CLIC5: variants seen among roughly 807,000 people sequenced by gnomAD.
CLIC5 encodes chloride intracellular channel protein 5.
CLIC5 carries 20 observed loss-of-function variants against 24.7 expected under a neutral mutation model. The ratio of observed to expected loss-of-function variants is 0.81; its 90% confidence interval spans 0.57 to 1.18. CLIC5 has a LOEUF of 1.18. Among genes scored for constraint, CLIC5 ranks in the 50% most tolerant of loss-of-function variants. The pLI, the probability that CLIC5 is intolerant of heterozygous loss-of-function variation, is 0.00. For synonymous variants in CLIC5, 159 were observed against 135.6 expected (o/e 1.17, Z -1.20); for missense variants, 341 against 326.1 (o/e 1.05, Z -0.35).
chr6:46,045,883 A>G (rs1767939675), intron 1 of CLIC5, among the ~76,000 whole-genome samples: 1 of 151,664 alleles, frequency 6.6e-6, no homozygotes, highest in African/African-American at 2.4e-5. Context: ...AATTTTGAAC[A>G]TGTTCCAGTC....
intron 4 of CLIC5, among the ~76,000 whole-genome samples, chr6:45,940,126 A>G (rs571713003): frequency 6.6e-6 from 1 of 152,226 alleles, no homozygotes; most frequent in South Asian, 2.1e-4. Flanking sequence ...ACTTCCCCGC[A>G]TCTTCTGCTC....
chr6:46,097,295 G>A, the CLIC5 span: 2 of 152,194 alleles, frequency 1.3e-5, no homozygotes, highest in Admixed American at 1.3e-4. Flanking sequence ...TAGCAGGCAT[G>A]TGGGTGTTCT....
chr6:46,050,355 G>A (rs1194271333), intron 1 of CLIC5, among the ~76,000 whole-genome samples: 1 of 152,110 alleles, frequency 6.6e-6, no homozygotes, highest in Non-Finnish European at 1.5e-5. Context: ...AAATAAAAAG[G>A]GGAGGCTTTT....
At chr6:46,057,235 G>C (rs775354107) in intron 1 of CLIC5, among the ~76,000 whole-genome samples, 6 of 152,162 alleles carry the variant, frequency 3.9e-5, no homozygotes, top group African/African-American at 7.2e-5. Flanking sequence ...AGGGACCCAG[G>C]GGGAGGTAAT....
intron 1 of CLIC5, among the ~76,000 whole-genome samples, chr6:46,074,043 C>G (rs1305666222): frequency 6.6e-6 from 1 of 152,074 alleles, no homozygotes; most frequent in African/African-American, 2.4e-5. Flanking sequence ...TCCAGGCCCA[C>G]AGATCATAGC....
intron 4 of CLIC5, among the ~76,000 whole-genome samples, chr6:45,916,723 T>C (rs1763045560): frequency 6.6e-6 from 1 of 152,202 alleles, no homozygotes; most frequent in Non-Finnish European, 1.5e-5. Flanking sequence ...GATAGTTCTT[T>C]ATATCCCTCC....
At chr6:45,971,520 T>C (rs914651470) in intron 1 of CLIC5, among the ~76,000 whole-genome samples, 3 of 152,224 alleles carry the variant, frequency 2.0e-5, no homozygotes, top group Admixed American at 6.5e-5. Context: ...TGTTGGACTA[T>C]GTTTAGAACA....
the CLIC5 span, among the ~76,000 whole-genome samples, chr6:46,124,715 C>T: frequency 6.6e-6 from 1 of 152,008 alleles, no homozygotes; most frequent in Non-Finnish European, 1.5e-5. Context: ...ACAAAGAACT[C>T]AAACAAATTT....
the CLIC5 span, among the ~76,000 whole-genome samples, chr6:46,123,422 G>T: frequency 6.6e-6 from 1 of 152,128 alleles, no homozygotes; most frequent in Non-Finnish European, 1.5e-5. Context: ...AGGTATTGAT[G>T]GGAGGTATCT....
At chr6:45,924,948 G>A (rs976734777) in intron 4 of CLIC5, among the ~76,000 whole-genome samples, 11 of 152,166 alleles carry the variant, frequency 7.2e-5, no homozygotes, top group Non-Finnish European at 1.3e-4. Flanking sequence ...TCTGGAATGC[G>A]GATGTGATGT....
At chr6:46,121,386 G>T in the CLIC5 span, among the ~76,000 whole-genome samples, 1 of 152,124 alleles carries the variant, frequency 6.6e-6, no homozygotes, top group East Asian at 1.9e-4. Context: ...AATGCTGAGA[G>T]ATTTTGTCAC....
At chr6:45,949,849 G>A (rs146946912) in intron 2 of CLIC5, among the ~76,000 whole-genome samples, 95 of 152,148 alleles carry the variant, frequency 6.2e-4, no homozygotes, top group African/African-American at 2.2e-3. Flanking sequence ...GGGAGTTTGG[G>A]CCATTTGTTC....
the CLIC5 span, among the ~76,000 whole-genome samples, chr6:46,107,507 CA>C: frequency 6.6e-6 from 1 of 151,708 alleles, no homozygotes; most frequent in East Asian, 1.9e-4. Flanking sequence ...ATAAGGTTAC[CA>C]AAATAAAAGA....
At chr6:46,036,990 C>T (rs905456707) in intron 1 of CLIC5, among the ~76,000 whole-genome samples, 1 of 151,928 alleles carries the variant, frequency 6.6e-6, no homozygotes, top group African/African-American at 2.4e-5. Context: ...GAAGAACAAG[C>T]AAGAAAAAAA....
In CLIC5 at chr6:46,080,225, G is replaced by T. The variant is rs1388195313; in HGVS notation, c.18C>A (p.Tyr6Ter). 2 of 1,550,902 alleles carry T rather than the reference G, an allele frequency of 1.3e-6. No individual in the cohort carries two copies. The highest frequency in any genetic ancestry group is 2.7e-5 in the African/African-American group (2 of 73,062). Residue 6 changes from tyrosine to a stop codon, truncating the protein, a stop_gained, in exon 1 of 6, where the codon TAC becomes TAA. Coordinates refer to the CLIC5 transcript ENST00000185206. LOFTEE classifies it high-confidence loss of function. Reference sequence around the variant, plus strand: ...TTTGGATTGTGTCATAGATGGTGCTGTAGTCTTCGTCATTCATGCTTATTG... The same window carrying T: ...TTTGGATTGTGTCATAGATGGTGCTTTAGTCTTCGTCATTCATGCTTATTG...
intron 1 of CLIC5, among the ~76,000 whole-genome samples, chr6:45,990,013 C>A (rs1765877390): frequency 6.6e-6 from 1 of 152,142 alleles, no homozygotes; most frequent in African/African-American, 2.4e-5. Flanking sequence ...ATGCACAAGA[C>A]CCTGCTTTTC....
At chr6:45,892,265 T>C (rs2127284272) in intron 6 of CLIC5, 1 of 150,658 alleles carries the variant, frequency 6.6e-6, no homozygotes, top group East Asian at 2.0e-4. Flanking sequence ...GGTACAGGAA[T>C]GTTATAAGAA....
Position 46,001,235 on chromosome 6 carries a change from A to G in CLIC5, c.63+14245T>C, listed in dbSNP as rs937836984. Reference sequence around the variant, plus strand: ...TACTCTCCTGGGGTAGGTGGGTACCAAGAGAAGGTCCTGGGGTCTTGACTG... The same window carrying G: ...TACTCTCCTGGGGTAGGTGGGTACCGAGAGAAGGTCCTGGGGTCTTGACTG... On this transcript the variant is annotated intron_variant, in intron 1 of 5. Transcript: ENST00000339561. Among the ~76,000 whole-genome samples the G allele has an allele frequency of 9.9e-5, 15 of 152,260 alleles. No homozygotes were observed. The East Asian group carries it at 2.7e-3, about 27-fold the overall frequency.
chr6:46,017,739 TTGGGG>T (rs1487751903), upstream of CLIC5, among the ~76,000 whole-genome samples: 1 of 152,204 alleles, frequency 6.6e-6, no homozygotes, highest in Non-Finnish European at 1.5e-5. Flanking sequence ...TTTACCATGG[TTGGGG>T]TGAGGAGAGG....
Sources: gnomAD v4.1 joint callset for allele counts (sites outside exome capture counted in the v4.1 genomes callset) on GRCh38, gnomAD v4.1.1 for gene constraint, MANE v1.5 for transcripts, NCBI Gene and HGNC (gene_info 2026-07-23, HGNC 2026-07-21) for gene names.